KLRG1: variants seen among roughly 807,000 people sequenced by gnomAD.
The protein encoded by KLRG1 is killer cell lectin-like receptor subfamily G member 1.
Under a neutral mutation model 21.8 loss-of-function variants are expected in KLRG1, and 16 were observed. That is an observed-to-expected ratio of 0.73 (90% CI 0.50 to 1.11). KLRG1 has a LOEUF of 1.11. Among genes scored for constraint, KLRG1 ranks in the 50% most tolerant of loss-of-function variants. The probability of loss-of-function intolerance (pLI) is 0.00; values close to 1 mark genes in which losing one functional copy is unlikely to be tolerated. For missense variants in KLRG1, 173 were observed against 218.3 expected, an observed-to-expected ratio of 0.79 and a Z score of 1.31; for synonymous variants, 69 against 75.9, an observed-to-expected ratio of 0.91 and a Z score of 0.47.
intron 1 of KLRG1, among the ~76,000 whole-genome samples, chr12:8,963,467 T>G (rs1946413281): frequency 6.6e-6 from 1 of 152,222 alleles, no homozygotes; most frequent in African/African-American, 2.4e-5. Flanking sequence ...CGCATCAATG[T>G]TCATCAAGGA....
chr12:9,017,037 G>A, the KLRG1 span, among the ~76,000 whole-genome samples: 114 of 151,872 alleles, frequency 7.5e-4, no homozygotes, highest in Non-Finnish European at 1.3e-3. Context: ...AGGCCAAGGC[G>A]GGCAGATCGC....
intron 1 of KLRG1, among the ~76,000 whole-genome samples, chr12:8,957,966 G>A (rs1054837052): frequency 6.6e-6 from 1 of 152,300 alleles, no homozygotes; most frequent in African/African-American, 2.4e-5. Context: ...GGGAACTATC[G>A]TATTTCTCAT....
the KLRG1 span, chr12:9,070,615 GT>G: frequency 1.4e-6 from 2 of 1,457,054 alleles, no homozygotes; most frequent in Non-Finnish European, 1.9e-6. Context: ...AGGGTTTTCT[GT>G]GTTTTTAAAT....
the KLRG1 span, among the ~76,000 whole-genome samples, chr12:9,185,920 G>A: frequency 1.3e-5 from 2 of 151,346 alleles, no homozygotes; most frequent in South Asian, 2.1e-4. Context: ...CAGTTCTCCT[G>A]CCTCAGCCTC....
the KLRG1 span, chr12:9,109,214 A>C: frequency 1.3e-6 from 1 of 788,020 alleles, no homozygotes; most frequent in Non-Finnish European, 2.1e-6. Context: ...CAAAGCACTT[A>C]AAATTTTTGT....
At chr12:9,164,331 C>A in the KLRG1 span, 2 of 1,488,930 alleles carry the variant, frequency 1.3e-6, no homozygotes, top group Non-Finnish European at 9.2e-7. Flanking sequence ...GAATTGGGGC[C>A]AAGTGTGAGA....
chr12:9,203,984 A>G, the KLRG1 span: 7 of 1,556,216 alleles, frequency 4.5e-6, no homozygotes, highest in Non-Finnish European at 6.1e-6. Context: ...TTAGAGAAAA[A>G]CTGATGATAG....
chr12:9,188,251 A>G, the KLRG1 span, among the ~76,000 whole-genome samples: 1 of 152,252 alleles, frequency 6.6e-6, no homozygotes, highest in African/African-American at 2.4e-5. Context: ...ATTCATTCAT[A>G]TAAACAGAAC....
chr12:9,180,724 C>G, the KLRG1 span, among the ~76,000 whole-genome samples: 1 of 152,338 alleles, frequency 6.6e-6, no homozygotes, highest in East Asian at 1.9e-4. Flanking sequence ...CATCACCATT[C>G]AGGACATAGG....
At chr12:9,074,849 C>G in the KLRG1 span, 1 of 1,480,556 alleles carries the variant, frequency 6.8e-7, no homozygotes, top group Non-Finnish European at 9.2e-7. Context: ...GGTGAAAGTA[C>G]CCAAGCCAGT....
chr12:9,053,207 C>T, the KLRG1 span, among the ~76,000 whole-genome samples: 1 of 151,798 alleles, frequency 6.6e-6, no homozygotes, highest in African/African-American at 2.4e-5. Flanking sequence ...GTGCCTGCGA[C>T]GGGGTGTCCT....
the KLRG1 span, among the ~76,000 whole-genome samples, chr12:9,080,956 C>T: frequency 0.35 from 53,577 of 151,960 alleles, 9,881 homozygotes; most frequent in African/African-American, 0.41. Flanking sequence ...ATAACTGCTA[C>T]TGATGAACAT....
chr12:9,193,363 C>T, the KLRG1 span, among the ~76,000 whole-genome samples: 7 of 151,966 alleles, frequency 4.6e-5, no homozygotes. Context: ...TCTATTTGGT[C>T]TCATAATAAA....
chr12:9,156,270 C>G, the KLRG1 span: 1 of 210,650 alleles, frequency 4.7e-6, no homozygotes, highest in Non-Finnish European at 1.0e-5. Context: ...CTTTGGGAAA[C>G]TTCAGTGAAG....
At chr12:9,167,813 C>T in the KLRG1 span, among the ~76,000 whole-genome samples, 1 of 152,138 alleles carries the variant, frequency 6.6e-6, no homozygotes, top group African/African-American at 2.4e-5. Context: ...TTCCTTCCCC[C>T]CAAACCTCAA....
Position 9,004,038 on chromosome 12 carries a change from A to C in KLRG1, c.358-4937A>C, listed in dbSNP as rs909555959. Reference sequence around the variant, plus strand: ...TCCCTACAAAGGACATGAACTCATCATTTTTTATGGCTGCATAGTATTCCA... The same window carrying C: ...TCCCTACAAAGGACATGAACTCATCCTTTTTTATGGCTGCATAGTATTCCA... On this transcript the variant is annotated intron_variant, in intron 3 of 4. Coordinates refer to ENST00000356986, the MANE Select transcript of KLRG1 (RefSeq NM_005810.4). Among the ~76,000 whole-genome samples the C allele has an allele frequency of 2.2e-4, 34 of 151,736 alleles. 1 individual carries two copies. Among genetic ancestry groups the C allele is most frequent in the Non-Finnish European group, 5.9e-5 (4 of 67,960 alleles).
the KLRG1 span, chr12:9,107,616 G>A: frequency 8.7e-6 from 14 of 1,613,870 alleles, no homozygotes; most frequent in African/African-American, 1.3e-4. Flanking sequence ...ACAGTCACAT[G>A]TCCAGGGACA....
intron 1 of KLRG1, among the ~76,000 whole-genome samples, chr12:8,955,523 G>GGC (rs751133804): frequency 1.5e-5 from 1 of 65,232 alleles, no homozygotes; most frequent in Non-Finnish European, 4.8e-5. Flanking sequence ...TGGAGTAGGT[G>GGC]GGACCACAGG....
At chr12:8,983,723 C>T (rs1385599946) in intron 1 of KLRG1, among the ~76,000 whole-genome samples, 1 of 152,032 alleles carries the variant, frequency 6.6e-6, no homozygotes, top group Non-Finnish European at 1.5e-5. Context: ...TTAAAGATGA[C>T]ATCTCATTGC....
Sources: allele counts gnomAD v4.1 joint callset (sites outside exome capture counted in the v4.1 genomes callset), GRCh38; gene constraint gnomAD v4.1.1; transcripts MANE v1.5; gene names NCBI Gene and HGNC (gene_info 2026-07-23, HGNC 2026-07-21).